MAPRE2: variants seen among roughly 807,000 people sequenced by gnomAD.
MAPRE2 encodes microtubule-associated protein RP/EB family member 2.
MAPRE2 carries 13 observed loss-of-function variants against 43.2 expected under a neutral mutation model. That is an observed-to-expected ratio of 0.30 (90% confidence interval 0.20 to 0.48). MAPRE2 has a LOEUF of 0.48. Ranked by LOEUF, MAPRE2 falls within the 20% of genes least tolerant of loss-of-function variation. The pLI is 0.99. For synonymous variants in MAPRE2, 135 were observed against 148.8 expected (o/e 0.91, Z 0.68); for missense variants, 161 against 400.2 (o/e 0.40, Z 5.10).
chr18:35,034,920 T>C (rs1053544181), intron 2 of MAPRE2, among the ~76,000 whole-genome samples: 63 of 152,026 alleles, frequency 4.1e-4, no homozygotes, highest in South Asian at 8.3e-4. Context: ...GGTGGGACTG[T>C]AAACTAGTTC....
chr18:35,132,032 G>T lies in MAPRE2; in HGVS notation c.751G>T (p.Val251Leu). The change falls in exon 6 of 7, where the codon GTA (valine) becomes TTA (leucine). Residue 251 changes from valine (V) to leucine (L), a missense_variant and splice_region_variant. By Grantham distance (32) the Val-to-Leu change is conservative. Around this residue, in one of 2 missense-constraint regions of MAPRE2, gnomAD observed 96 missense variants for 153.3 expected, o/e 0.63. Transcript: ENST00000300249. Reference protein sequence around the residue: ...ETQVIQLNEQVHSLKLALEGV... With the variant: ...ETQVIQLNEQLHSLKLALEGV... ...TTTCTTCACTCTCACTCCCTTGCAGGTACATTCATTAAAACTTGCCCTTGA... is the reference window on the plus strand; with the variant it reads ...TTTCTTCACTCTCACTCCCTTGCAGTTACATTCATTAAAACTTGCCCTTGA... The T allele has an allele frequency of 6.2e-7, 1 of 1,614,004 alleles. No individual in the cohort carries two copies. The highest frequency in any genetic ancestry group is 1.1e-5 in the South Asian group (1 of 91,078).
chr18:35,091,125 A>C (rs1908129363), intron 2 of MAPRE2, among the ~76,000 whole-genome samples: 1 of 152,238 alleles, frequency 6.6e-6, no homozygotes, highest in African/African-American at 2.4e-5. Flanking sequence ...ATTGTTAAAA[A>C]GTCCATACAG....
At position 34,999,470 on chromosome 18, in the gene MAPRE2, CAAG is replaced by C. The variant is rs1239874228; in HGVS notation, c.-69-6016_-69-6014del. 5.9e-5 allele frequency among the ~76,000 whole-genome samples: 9 copies of C among 152,090 alleles called. 1 individual carries two copies. Among genetic ancestry groups the C allele is most frequent in the Admixed American group, 2.6e-4 (4 of 15,290 alleles). On this transcript the variant is annotated intron_variant, in intron 1 of 7. Transcript: ENST00000413393. Reference sequence around the variant, plus strand: ...GTAGCAGATGGATAAATGATGATTCCAAGAAGAAAGGGCTAGGCTACATTTGTA... The same window carrying C: ...GTAGCAGATGGATAAATGATGATTCCAAGAAAGGGCTAGGCTACATTTGTA...
chr18:35,091,894 G>T (rs1459165866), intron 2 of MAPRE2, among the ~76,000 whole-genome samples: 1 of 152,184 alleles, frequency 6.6e-6, no homozygotes, highest in Non-Finnish European at 1.5e-5. Context: ...AAGAAAAGAG[G>T]CTTAATTGGC....
At chr18:35,045,510 T>G (rs974834757) in intron 1 of MAPRE2, among the ~76,000 whole-genome samples, 3 of 152,210 alleles carry the variant, frequency 2.0e-5, no homozygotes, top group African/African-American at 7.2e-5. Flanking sequence ...AATTTAAGCC[T>G]AAAGCATTGG....
chr18:35,012,217 A>G (rs2097035223), intron 2 of MAPRE2, among the ~76,000 whole-genome samples: 1 of 152,196 alleles, frequency 6.6e-6, no homozygotes, highest in African/African-American at 2.4e-5. Context: ...CTGTGACGTT[A>G]AAAAAGATAT....
At chr18:35,138,776 G>T (rs2144263799) in intron 6 of MAPRE2, among the ~76,000 whole-genome samples, 1 of 152,264 alleles carries the variant, frequency 6.6e-6, no homozygotes, top group South Asian at 2.1e-4. Flanking sequence ...GAGCAGTTAA[G>T]TTCTAGACCC....
chr18:35,061,387 G>A (rs1410492586), intron 1 of MAPRE2, among the ~76,000 whole-genome samples: 3 of 152,182 alleles, frequency 2.0e-5, no homozygotes, highest in Non-Finnish European at 4.4e-5. Context: ...TAAAGTATGT[G>A]CATGTTGTCA....
chr18:34,980,031 C>CTTTTTTTTTTTTTTTTTTTTTTTTT (rs796434537), intron 1 of MAPRE2, among the ~76,000 whole-genome samples: 17 of 46,134 alleles, frequency 3.7e-4, no homozygotes, highest in South Asian at 1.9e-3. Flanking sequence ...TTCTTTTTTT[C>CTTTTTTTTTTTTTTTTTTTTTTTTT]TTTTTTTTTT....
At chr18:35,017,318 A>G (rs1603390504) in intron 2 of MAPRE2, among the ~76,000 whole-genome samples, 1 of 125,736 alleles carries the variant, frequency 8.0e-6, no homozygotes. Context: ...GGAATTTTAT[A>G]ATTTTTTTCT....
chr18:35,003,145 C>T (rs1004337883), intron 1 of MAPRE2, among the ~76,000 whole-genome samples: 6 of 152,198 alleles, frequency 3.9e-5, no homozygotes, highest in African/African-American at 1.4e-4. Context: ...TTGCCTCACT[C>T]CTATCCCCAC....
chr18:35,022,995 T>C (rs537348099), intron 2 of MAPRE2, among the ~76,000 whole-genome samples: 2 of 152,306 alleles, frequency 1.3e-5, no homozygotes, highest in South Asian at 4.1e-4. Flanking sequence ...TAAATTTCTT[T>C]TATAATACAA....
intron 2 of MAPRE2, among the ~76,000 whole-genome samples, chr18:35,083,282 G>A (rs1354609770): frequency 1.3e-5 from 2 of 152,140 alleles, no homozygotes; most frequent in Non-Finnish European, 2.9e-5. Context: ...GTGAGAATAC[G>A]TGAGTGCACA....
At chr18:35,057,178 C>T (rs1455523534) in intron 1 of MAPRE2, among the ~76,000 whole-genome samples, 1 of 152,010 alleles carries the variant, frequency 6.6e-6, no homozygotes, top group East Asian at 1.9e-4. Context: ...ACATGTCTGG[C>T]TCATTTTTGT....
chr18:35,097,368 C>A, intron 2 of MAPRE2, 78 bp from the exon 3 acceptor site: 2 of 1,335,486 alleles, frequency 1.5e-6, no homozygotes, highest in South Asian at 1.3e-5. Context: ...TAAGGACAAT[C>A]CCCTTCCAGC....
chr18:35,091,609 C>G lies in MAPRE2; in HGVS notation c.251-5837C>G, dbSNP rs530097908. ...CACAAAAGACCCTGAATAGCCAAAG[C>G]GATACTGAACAAAAAGAACAATGCT... On this transcript the variant is annotated intron_variant, in intron 2 of 6. Transcript: ENST00000300249. Among the ~76,000 whole-genome samples the G allele has an allele frequency of 3.0e-4, 45 of 152,124 alleles. 1 individual carries two copies. The highest frequency in any genetic ancestry group is 8.0e-4 in the African/African-American group (33 of 41,496).
At chr18:35,016,460 G>A (rs1426316458) in intron 2 of MAPRE2, among the ~76,000 whole-genome samples, 1 of 151,920 alleles carries the variant, frequency 6.6e-6, no homozygotes, top group Non-Finnish European at 1.5e-5. Context: ...CGACATCCTT[G>A]TCAGCATCTG....
At chr18:35,002,505 T>G (rs2097029860) in intron 1 of MAPRE2, among the ~76,000 whole-genome samples, 2 of 152,220 alleles carry the variant, frequency 1.3e-5, no homozygotes, top group East Asian at 1.9e-4. Context: ...CCACAGTAGC[T>G]CTACCATTTT....
At chr18:35,036,715 C>A (rs1166445340), upstream of MAPRE2, among the ~76,000 whole-genome samples, 2 of 152,182 alleles carry the variant, frequency 1.3e-5, no homozygotes, top group Non-Finnish European at 2.9e-5. Flanking sequence ...AATATCCAAT[C>A]CTGAATGAGT....
Sources: allele counts gnomAD v4.1 joint callset (sites outside exome capture counted in the v4.1 genomes callset), GRCh38; gene constraint gnomAD v4.1.1; regional missense constraint gnomAD v4.1.1; transcripts MANE v1.5; gene names NCBI Gene and HGNC (gene_info 2026-07-23, HGNC 2026-07-21).